The following BCKDHB variants were observed in gnomAD, a reference collection of about 807,000 sequenced individuals.
BCKDHB encodes branched chain keto acid dehydrogenase E1 subunit beta.
A neutral mutation model predicts 48.5 loss-of-function variants in BCKDHB; 41 were observed. The ratio of observed to expected loss-of-function variants is 0.85; its 90% CI spans 0.66 to 1.10. BCKDHB has a LOEUF of 1.10. BCKDHB is among the 50% of genes least tolerant of loss of function. BCKDHB has a pLI of 0.00. For missense variants in BCKDHB, 496 were observed against 494.2 expected (o/e 1.00, Z -0.03); for synonymous variants, 201 against 174.8 (o/e 1.15, Z -1.18).
chr6:80,290,322 C>T (rs1159234233), intron 9 of BCKDHB, among the ~76,000 whole-genome samples: 1 of 152,170 alleles, frequency 6.6e-6, no homozygotes, highest in Non-Finnish European at 1.5e-5. Context: ...ATATCTTCCT[C>T]CTGCAGCCCC....
chr6:80,410,457 G>A, the BCKDHB span, among the ~76,000 whole-genome samples: 1 of 152,094 alleles, frequency 6.6e-6, no homozygotes, highest in Non-Finnish European at 1.5e-5. Flanking sequence ...GTATCTTTGT[G>A]GTGTTCTCTA....
At chr6:80,446,019 T>C in the BCKDHB span, among the ~76,000 whole-genome samples, 2 of 152,182 alleles carry the variant, frequency 1.3e-5, no homozygotes, top group Non-Finnish European at 2.9e-5. Flanking sequence ...ACAGCTGATG[T>C]GTAAGGTATA....
chr6:80,421,045 G>A, the BCKDHB span, among the ~76,000 whole-genome samples: 6 of 152,094 alleles, frequency 3.9e-5, no homozygotes, highest in Non-Finnish European at 8.8e-5. Flanking sequence ...GATATGGTTT[G>A]GCTCTGTGTC....
rs538069469 is a variant in BCKDHB, at chr6:80,173,685, C to A, written c.742+2295C>A. Among the ~76,000 whole-genome samples, 11 of 152,148 alleles carry A rather than the reference C, an allele frequency of 7.2e-5. No individual in the cohort carries two copies. The East Asian group carries it at 1.9e-3, about 27-fold the overall frequency. On this transcript the variant is annotated intron_variant, in intron 6 of 9. Transcript: ENST00000320393. ...AACAATAGCTGATGTTGCCTGTGTC[C>A]ATTTATCTTATTTTATTCTTAGTTC...
At chr6:80,280,469 G>A (rs1778151713) in intron 9 of BCKDHB, among the ~76,000 whole-genome samples, 1 of 152,056 alleles carries the variant, frequency 6.6e-6, no homozygotes, top group African/African-American at 2.4e-5. Context: ...ACAACATTTT[G>A]GTCAACAATG....
At chr6:80,403,894 T>C in the BCKDHB span, among the ~76,000 whole-genome samples, 1 of 152,044 alleles carries the variant, frequency 6.6e-6, no homozygotes, top group Non-Finnish European at 1.5e-5. Flanking sequence ...AATTTGTGTA[T>C]GTTGAATAAT....
At chr6:80,421,154 C>T in the BCKDHB span, among the ~76,000 whole-genome samples, 1 of 152,060 alleles carries the variant, frequency 6.6e-6, no homozygotes, top group South Asian at 2.1e-4. Flanking sequence ...CCATTCTGTT[C>T]TCATGATAGA....
intron 3 of BCKDHB, among the ~76,000 whole-genome samples, chr6:80,157,062 T>C (rs954089428): frequency 2.0e-5 from 3 of 152,192 alleles, no homozygotes; most frequent in Admixed American, 1.3e-4. Context: ...AAGTTGTATA[T>C]CTAGTACTTG....
chr6:80,177,262 C>G (rs1453777430), intron 6 of BCKDHB, among the ~76,000 whole-genome samples: 2 of 80,856 alleles, frequency 2.5e-5, no homozygotes, highest in African/African-American at 9.9e-5. Context: ...AAAAGCAAAA[C>G]ATGGGTTTCA....
the BCKDHB span, among the ~76,000 whole-genome samples, chr6:80,415,271 T>C: frequency 6.6e-6 from 1 of 152,172 alleles, no homozygotes; most frequent in Non-Finnish European, 1.5e-5. Flanking sequence ...TTTTGCCTGA[T>C]TGTCCTAGTC....
the BCKDHB span, among the ~76,000 whole-genome samples, chr6:80,451,309 G>A: frequency 1.3e-5 from 2 of 152,084 alleles, no homozygotes; most frequent in Non-Finnish European, 2.9e-5. Context: ...CTTTTATAAG[G>A]AATTTCTAAT....
At chr6:80,299,404 G>A (rs2127990168) in intron 9 of BCKDHB, among the ~76,000 whole-genome samples, 1 of 152,218 alleles carries the variant, frequency 6.6e-6, no homozygotes, top group African/African-American at 2.4e-5. Context: ...TTAGCCTTTG[G>A]TTCGGGGGTT....
chr6:80,257,909 A>G (rs1221792556), intron 8 of BCKDHB, among the ~76,000 whole-genome samples: 1 of 152,074 alleles, frequency 6.6e-6, no homozygotes, highest in East Asian at 1.9e-4. Flanking sequence ...CCTGACTGCA[A>G]TAAGGACAGA....
At chr6:80,428,970 G>C in the BCKDHB span, among the ~76,000 whole-genome samples, 1 of 152,134 alleles carries the variant, frequency 6.6e-6, no homozygotes, top group Admixed American at 6.6e-5. Flanking sequence ...GAATGGTATT[G>C]CCTAGGTTTT....
chr6:80,360,312 C>A, the BCKDHB span, among the ~76,000 whole-genome samples: 1 of 152,166 alleles, frequency 6.6e-6, no homozygotes, highest in Non-Finnish European at 1.5e-5. Flanking sequence ...CAGCCTATGC[C>A]TCTATGACAG....
chr6:80,234,389 A>C (rs757848505), intron 8 of BCKDHB, among the ~76,000 whole-genome samples: 10 of 151,948 alleles, frequency 6.6e-5, no homozygotes, highest in African/African-American at 2.4e-4. Context: ...ATAGAATAGG[A>C]ATGTTTATGT....
intron 6 of BCKDHB, among the ~76,000 whole-genome samples, chr6:80,196,734 AAGG>A (rs1470488362): frequency 2.0e-5 from 3 of 152,164 alleles, no homozygotes; most frequent in Non-Finnish European, 4.4e-5. Context: ...TGGGAGAAAA[AAGG>A]AGGAGGATGG....
At chr6:80,166,363 A>C (rs1269354078) in intron 3 of BCKDHB, among the ~76,000 whole-genome samples, 1 of 152,114 alleles carries the variant, frequency 6.6e-6, no homozygotes, top group Non-Finnish European at 1.5e-5. Context: ...TATTTATTAA[A>C]AAAAATTTCT....
chr6:80,233,342 C>T (rs1776012602), intron 8 of BCKDHB, among the ~76,000 whole-genome samples: 1 of 152,154 alleles, frequency 6.6e-6, no homozygotes, highest in East Asian at 1.9e-4. Context: ...TTTCTCAAAT[C>T]ATTTTAGTAT....
Sources: gnomAD v4.1 joint callset for allele counts (sites outside exome capture counted in the v4.1 genomes callset) on GRCh38, gnomAD v4.1.1 for gene constraint, MANE v1.5 for transcripts, NCBI Gene and HGNC (gene_info 2026-07-23, HGNC 2026-07-21) for gene names.